The following KL variants were observed in gnomAD, a reference collection of about 807,000 sequenced individuals.
KL encodes the protein alpha-klotho.
A neutral mutation model predicts 84.2 loss-of-function variants in KL; 62 were observed. The ratio of observed to expected loss-of-function variants is 0.74; its 90% CI spans 0.60 to 0.91. The LOEUF is 0.91. Ranked by LOEUF, KL falls within the 40% of genes least tolerant of loss-of-function variation. The pLI is 0.00. For synonymous variants in KL, 528 were observed against 528.0 expected (o/e 1.00, Z 0.00); for missense variants, 1,261 against 1,305.7 (o/e 0.97, Z 0.53).
intron 1 of KL, among the ~76,000 whole-genome samples, chr13:33,047,498 A>G (rs1182234820): frequency 6.6e-6 from 1 of 151,786 alleles, no homozygotes; most frequent in African/African-American, 2.4e-5. Context: ...GATTACAGGC[A>G]CCTGTATTTT....
intron 4 of KL, among the ~76,000 whole-genome samples, chr13:33,063,350 T>C (rs1872282638): frequency 6.6e-6 from 1 of 151,948 alleles, no homozygotes; most frequent in Non-Finnish European, 1.5e-5. Context: ...TCAACCCTGC[T>C]AAATGCAGCT....
At chr13:33,057,359 TA>T (rs1416136839) in intron 3 of KL, among the ~76,000 whole-genome samples, 2 of 152,170 alleles carry the variant, frequency 1.3e-5, no homozygotes, top group Non-Finnish European at 2.9e-5. Flanking sequence ...TGGGAATTGG[TA>T]AATAGTGAGA....
intron 1 of KL, among the ~76,000 whole-genome samples, chr13:33,018,499 A>G (rs938752462): frequency 6.6e-6 from 1 of 152,232 alleles, no homozygotes; most frequent in African/African-American, 2.4e-5. Context: ...GTTTGCTGCT[A>G]CTGGCCATAA....
intron 1 of KL, among the ~76,000 whole-genome samples, chr13:33,030,186 G>A (rs1156843604): frequency 2.0e-5 from 3 of 152,070 alleles, no homozygotes; most frequent in Non-Finnish European, 2.9e-5. Context: ...TGCCTAATTG[G>A]CCTAAAGTGA....
chr13:33,018,711 A>G (rs1870462151), intron 1 of KL, among the ~76,000 whole-genome samples: 1 of 152,224 alleles, frequency 6.6e-6, no homozygotes, highest in East Asian at 1.9e-4. Context: ...TGAAGAAAAC[A>G]TAAGCAAGTT....
intron 1 of KL, among the ~76,000 whole-genome samples, chr13:33,037,125 G>C (rs1180083872): frequency 6.6e-6 from 1 of 152,154 alleles, no homozygotes; most frequent in Non-Finnish European, 1.5e-5. Flanking sequence ...TTGTGTCTTG[G>C]GGAACATTGG....
intron 1 of KL, among the ~76,000 whole-genome samples, chr13:33,035,144 C>T (rs1007577035): frequency 1.3e-5 from 2 of 152,198 alleles, no homozygotes; most frequent in Non-Finnish European, 2.9e-5. Flanking sequence ...CTCCATAAAG[C>T]ATATTTCATT....
chr13:33,049,639 G>A (rs1446866499), intron 1 of KL, among the ~76,000 whole-genome samples: 2 of 152,144 alleles, frequency 1.3e-5, no homozygotes, highest in Non-Finnish European at 2.9e-5. Context: ...CCAAAGCATG[G>A]AAGGCTAGAT....
At chr13:33,034,493 C>T (rs903200455) in intron 1 of KL, among the ~76,000 whole-genome samples, 2 of 151,674 alleles carry the variant, frequency 1.3e-5, no homozygotes, top group African/African-American at 2.4e-5. Context: ...AGATGAAAAT[C>T]ACAACACATT....
chr13:33,038,034 G>T (rs1566502486), intron 1 of KL, among the ~76,000 whole-genome samples: 1 of 152,146 alleles, frequency 6.6e-6, no homozygotes, highest in Non-Finnish European at 1.5e-5. Context: ...AATTGTATCT[G>T]CATTTTGGCA....
chr13:33,064,328 G>A lies in KL; in HGVS notation c.*142G>A. On this transcript the variant is annotated 3_prime_UTR_variant, in exon 5 of 5. Coordinates refer to ENST00000380099, the MANE Select transcript of KL (RefSeq NM_004795.4). ...AAACATTTTTGTGGCTTATGACAGA[G>A]GTTTTGAAATGGGCATAGGTGATCG... is the stretch of plus-strand genomic sequence containing the variant. 6.0e-6 allele frequency: 4 copies of A among 669,548 alleles called. No individual in the cohort carries two copies. Among genetic ancestry groups the A allele is most frequent in the Non-Finnish European group, 7.5e-6 (3 of 397,484 alleles). 41.5% of individuals were successfully genotyped at this position (669,548 alleles called of 1,614,324 possible).
intron 1 of KL, among the ~76,000 whole-genome samples, chr13:33,025,921 C>G (rs1408498322): frequency 2.0e-5 from 3 of 152,118 alleles, no homozygotes; most frequent in African/African-American, 7.2e-5. Context: ...CTCCAATGTG[C>G]AAAGATAAGA....
At chr13:33,049,307 T>G (rs1392494188) in intron 1 of KL, among the ~76,000 whole-genome samples, 1 of 152,216 alleles carries the variant, frequency 6.6e-6, no homozygotes, top group Non-Finnish European at 1.5e-5. Context: ...TGGTTCTTAG[T>G]GCCAGCCTTC....
Position 33,064,288 on chromosome 13 carries a change from C to A in KL, c.*102C>A. On this transcript the variant is annotated 3_prime_UTR_variant, in exon 5 of 5. Transcript: ENST00000380099. ...GTGTTGTGAAACTGTAAATTTCATA[C>A]ATTTGACTTCTAGAAAACATTTTTG... 1 of 911,420 alleles carries A rather than the reference C, an allele frequency of 1.1e-6. No homozygotes were observed. The highest frequency in any genetic ancestry group is 1.7e-6 in the Non-Finnish European group (1 of 600,028). 56.5% of individuals were successfully genotyped at this position (911,420 alleles called of 1,614,324 possible). A position where few individuals can be genotyped will look rare whatever the true frequency, so the allele number is the denominator to read the frequency against.
rs768406134 is a variant in KL, at chr13:33,061,282, A to C, written c.2203A>C (p.Ile735Leu). The stretch of plus-strand genomic sequence containing the variant: ...ATCCATAGCCTTGCAGGCTGATTGG[A>C]TAGAACCTGCCTGCCCTTTCTCCCA... ...KISIALQADWIEPACPFSQKD... is the reference protein window; with the variant it reads ...KISIALQADWLEPACPFSQKD... Residue 735 changes from isoleucine (I) to leucine (L), a missense_variant, in exon 4 of 5, where the codon ATA (isoleucine) becomes CTA (leucine). Coordinates refer to ENST00000380099, the MANE Select transcript of KL (RefSeq NM_004795.4). The C allele has an allele frequency of 1.9e-6, 3 of 1,614,204 alleles. No individual in the cohort carries two copies. Among genetic ancestry groups the C allele is most frequent in the Non-Finnish European group, 2.5e-6 (3 of 1,180,044 alleles).
chr13:33,060,882 G>T lies in KL; in HGVS notation c.1803G>T (p.Leu601=). ...TTCGCTTCTCCCTGGACTGGGCCCT[G>T]ATTCTCCCTCTGGGTAACCAGTCCC... The part of the protein sequence containing the change: ...THFRFSLDWA[L]ILPLGNQSQV... Residue 601 remains leucine (L), a synonymous_variant, in exon 4 of 5, where the codon CTG becomes CTT. Coordinates refer to ENST00000380099, the MANE Select transcript of KL (RefSeq NM_004795.4). 6.2e-7 allele frequency: 1 copy of T among 1,614,210 alleles called. No homozygotes were observed. The highest frequency in any genetic ancestry group is 8.5e-7 in the Non-Finnish European group (1 of 1,180,026).
At chr13:33,047,161 T>C (rs980113239) in intron 1 of KL, among the ~76,000 whole-genome samples, 1 of 152,160 alleles carries the variant, frequency 6.6e-6, no homozygotes, top group Non-Finnish European at 1.5e-5. Flanking sequence ...TATATGTCTG[T>C]TAGCTCTAGG....
intron 1 of KL, among the ~76,000 whole-genome samples, chr13:33,019,762 C>T (rs539876015): frequency 1.0e-5 from 1 of 99,162 alleles, no homozygotes; most frequent in South Asian, 3.3e-4. Context: ...AGAGAGGAGA[C>T]AGAAGAGAAG....
chr13:33,059,796 T>G (rs1872103955), intron 3 of KL, among the ~76,000 whole-genome samples: 1 of 151,982 alleles, frequency 6.6e-6, no homozygotes, highest in South Asian at 2.1e-4. Context: ...CTACCATCAG[T>G]CAGATTGAAT....
Sources: gnomAD v4.1 joint callset for allele counts (sites outside exome capture counted in the v4.1 genomes callset) on GRCh38, gnomAD v4.1.1 for gene constraint, MANE v1.5 for transcripts, NCBI Gene and HGNC (gene_info 2026-07-23, HGNC 2026-07-21) for gene names.